ART3: variants seen among roughly 807,000 people sequenced by gnomAD.
ART3 encodes the protein ADP-ribosyltransferase 3 (inactive).
In ART3, 49 loss-of-function variants were observed where a neutral mutation model predicts 48.5. The ratio of observed to expected loss-of-function variants is 1.01; its 90% CI spans 0.80 to 1.28. The LOEUF is 1.28. Among genes scored for constraint, ART3 ranks in the 50% most tolerant of loss-of-function variants. The pLI, the probability that ART3 is intolerant of heterozygous loss-of-function variation, is 0.00. For synonymous variants in ART3, 145 were observed against 157.2 expected (o/e 0.92, Z 0.58); for missense variants, 438 against 454.3 (o/e 0.96, Z 0.33).
chr4:76,053,194 T>C (rs1426404145), intron 1 of ART3, among the ~76,000 whole-genome samples: 1 of 152,234 alleles, frequency 6.6e-6, no homozygotes, highest in African/African-American at 2.4e-5. Context: ...TTCATGCTGA[T>C]CACGTACAGG....
intron 1 of ART3, among the ~76,000 whole-genome samples, chr4:76,060,704 T>A (rs1719136087): frequency 6.6e-6 from 1 of 152,176 alleles, no homozygotes; most frequent in African/African-American, 2.4e-5. Flanking sequence ...GACAGAGCAG[T>A]CAGTTAGAGA....
intron 11 of ART3, among the ~76,000 whole-genome samples, chr4:76,110,079 C>T (rs1729191890): frequency 6.6e-6 from 1 of 151,386 alleles, no homozygotes; most frequent in South Asian, 2.1e-4. Flanking sequence ...AGAGTTTCTC[C>T]AGCAGTGTAT....
chr4:76,041,638 A>G (rs888283714), intron 1 of ART3, among the ~76,000 whole-genome samples: 2 of 152,202 alleles, frequency 1.3e-5, no homozygotes, highest in African/African-American at 4.8e-5. Context: ...ATGTGTAATC[A>G]ATGTGGATAT....
At position 76,075,903 on chromosome 4, in the gene ART3, A is replaced by C. The variant is rs377238607; in HGVS notation, c.14A>C (p.His5Pro). 11 of 1,612,230 alleles carry C rather than the reference A, an allele frequency of 6.8e-6. No homozygotes were observed. Among genetic ancestry groups the C allele is most frequent in the Non-Finnish European group, 8.5e-6 (10 of 1,179,160 alleles). The change falls in exon 2 of 12, where the codon CAT becomes CCT. Residue 5 changes from histidine to proline, a missense_variant. Physicochemically the swap from His to Pro is moderately conservative, Grantham distance 77. Coordinates refer to ENST00000355810, the MANE Select transcript of ART3 (RefSeq NM_001130016.3). ...TAGAAGAGAAAAATGAAGACGGGAC[A>C]TTTTGAAATAGTCACCATGCTGCTG... is the stretch of plus-strand genomic sequence containing the variant. MKTG[H>P]FEIVTMLLAT... is the part of the protein sequence containing the mutation.
exon 1 of ART3, chr4:76,011,233 C>T (rs561760506): frequency 3.3e-4 from 51 of 152,700 alleles, no homozygotes; most frequent in African/African-American, 1.1e-3. Context: ...TCTCGACGCT[C>T]GCTCGTGCTG....
At chr4:76,062,892 TGTG>T in intron 1 of ART3, among the ~76,000 whole-genome samples, 1 of 152,158 alleles carries the variant, frequency 6.6e-6, no homozygotes, top group South Asian at 2.1e-4. Context: ...AGTAGCTACA[TGTG>T]GTGGCTAGTG....
chr4:76,078,526 G>A (rs956589369), intron 2 of ART3, among the ~76,000 whole-genome samples: 3 of 152,134 alleles, frequency 2.0e-5, no homozygotes, highest in Admixed American at 6.5e-5. Context: ...TCCCATGTCA[G>A]GAAACTGACC....
intron 1 of ART3, among the ~76,000 whole-genome samples, chr4:76,011,544 G>C (rs1250875760): frequency 6.6e-6 from 1 of 152,238 alleles, no homozygotes; most frequent in Admixed American, 6.5e-5. Flanking sequence ...GTAACCCTGG[G>C]CCGTGGGCTT....
rs934891950 is a variant in ART3, at chr4:76,104,594, T to C, written c.971-3T>C. On this transcript the variant is annotated splice_region_variant and splice_polypyrimidine_tract_variant and intron_variant, in intron 9 of 11. Transcript: ENST00000355810. ...AGTCATTGGAAACTTCCTTCTCATTTAGGAATGAAAATTCCAGAACCTTTT... is the reference window on the plus strand; with the variant it reads ...AGTCATTGGAAACTTCCTTCTCATTCAGGAATGAAAATTCCAGAACCTTTT... 12 of 1,551,468 alleles carry C rather than the reference T, an allele frequency of 7.7e-6. No individual in the cohort carries two copies. The African/African-American group carries it at 8.2e-5, about 11-fold the overall frequency.
At chr4:76,036,791 C>T (rs955320756) in intron 1 of ART3, 12 of 252,678 alleles carry the variant, frequency 4.7e-5, no homozygotes, top group Admixed American at 1.2e-4. Context: ...GCAGCCAGGA[C>T]GTTGCTCAGC....
Position 76,082,411 on chromosome 4 carries a change from T to C in ART3, c.657T>C (p.Ser219=), listed in dbSNP as rs1235449832. Residue 219 remains serine (S), a synonymous_variant, in exon 3 of 12, where the codon AGT becomes AGC. Coordinates refer to ENST00000355810, the MANE Select transcript of ART3 (RefSeq NM_001130016.3). The part of the protein sequence containing the change: ...VDIENFLDKE[S]ERITLIPLNE... ...TTGAAAATTTTCTTGATAAAGAAAG[T>C]GAAAGAATTACTTTAATACCTCTGA... 1.2e-6 allele frequency: 2 copies of C among 1,614,074 alleles called. No homozygotes were observed. The highest frequency in any genetic ancestry group is 4.5e-5 in the East Asian group (2 of 44,888).
intron 1 of ART3, chr4:76,034,869 A>G (rs1270268223): frequency 6.0e-6 from 9 of 1,504,802 alleles, no homozygotes; most frequent in African/African-American, 2.8e-5. Flanking sequence ...TGTTTCCCCC[A>G]GGACATCTAA....
chr4:76,014,845 T>A (rs1732119979), intron 1 of ART3, among the ~76,000 whole-genome samples: 1 of 152,120 alleles, frequency 6.6e-6, no homozygotes, highest in Admixed American at 6.5e-5. Context: ...CTAGATAATA[T>A]TAACAGCTGA....
intron 1 of ART3, among the ~76,000 whole-genome samples, chr4:76,068,662 TAA>T (rs56814198): frequency 6.8e-6 from 1 of 147,940 alleles, no homozygotes; most frequent in African/African-American, 2.5e-5. Context: ...GGATAGAGGA[TAA>T]AAAAAAAAAT....
At chr4:76,046,466 C>T (rs1245481329) in intron 1 of ART3, among the ~76,000 whole-genome samples, 1 of 152,044 alleles carries the variant, frequency 6.6e-6, no homozygotes, top group Non-Finnish European at 1.5e-5. Flanking sequence ...GCTGCATTTC[C>T]TCACTAAGCC....
chr4:76,067,917 C>T (rs921164623), intron 1 of ART3, among the ~76,000 whole-genome samples: 2 of 152,140 alleles, frequency 1.3e-5, no homozygotes, highest in African/African-American at 4.8e-5. Flanking sequence ...AATTTGCACT[C>T]ACCACTGTAA....
chr4:76,076,024 C>T (rs565586862), intron 2 of ART3, 66 bp downstream of exon 2: 56 of 1,256,300 alleles, frequency 4.5e-5, no homozygotes, highest in South Asian at 1.8e-4. Context: ...TTTTTTGAGA[C>T]GGAGTCTCTC....
intron 11 of ART3, among the ~76,000 whole-genome samples, chr4:76,109,547 AGTT>A (rs772945387): frequency 2.7e-5 from 3 of 111,920 alleles, no homozygotes; most frequent in Non-Finnish European, 6.1e-5. Flanking sequence ...ACAGTAACAT[AGTT>A]GTTTATTATC....
At chr4:76,046,836 C>A (rs10025201) in intron 1 of ART3, among the ~76,000 whole-genome samples, 1 of 151,758 alleles carries the variant, frequency 6.6e-6, no homozygotes, top group Non-Finnish European at 1.5e-5. Context: ...TACCTGGTTA[C>A]AGGCTGTCCC....
Sources: gnomAD v4.1 joint callset for allele counts (sites outside exome capture counted in the v4.1 genomes callset) on GRCh38, gnomAD v4.1.1 for gene constraint, MANE v1.5 for transcripts, NCBI Gene and HGNC (gene_info 2026-07-23, HGNC 2026-07-21) for gene names.